STK24: variants seen among roughly 807,000 people sequenced by gnomAD.
STK24 encodes the protein serine/threonine kinase 24.
STK24 carries 21 observed loss-of-function variants against 55.6 expected under a neutral mutation model. The observed-to-expected ratio is 0.38, with a 90% CI of 0.27 to 0.54. STK24 has a LOEUF of 0.54. Ranked by LOEUF, STK24 falls within the 20% of genes least tolerant of loss-of-function variation. The pLI, the probability that STK24 is intolerant of heterozygous loss-of-function variation, is 0.79. For missense variants in STK24, 383 were observed against 538.4 expected, an observed-to-expected ratio of 0.71 and a Z score of 2.86; for synonymous variants, 200 against 215.2, an observed-to-expected ratio of 0.93 and a Z score of 0.62.
At chr13:98,512,766 G>A (rs139002254) in intron 2 of STK24, among the ~76,000 whole-genome samples, 57 of 152,222 alleles carry the variant, frequency 3.7e-4, no homozygotes, top group African/African-American at 1.3e-3. Flanking sequence ...GCCCCATTCC[G>A]GATGTAAATA....
intron 1 of STK24, among the ~76,000 whole-genome samples, chr13:98,534,264 C>T (rs1896654013): frequency 6.6e-6 from 1 of 152,182 alleles, no homozygotes; most frequent in Non-Finnish European, 1.5e-5. Flanking sequence ...TTTGAGATGA[C>T]AATGAAACTG....
At chr13:98,479,794 C>A (rs916488166) in intron 3 of STK24, among the ~76,000 whole-genome samples, 2 of 152,218 alleles carry the variant, frequency 1.3e-5, no homozygotes, top group Non-Finnish European at 2.9e-5. Context: ...CAGCTCCCAG[C>A]CTACCTCCAA....
chr13:98,475,393 A>G (rs1301463510), intron 3 of STK24, 35 bp from the exon 4 acceptor site: 1 of 1,439,024 alleles, frequency 6.9e-7, no homozygotes, highest in Non-Finnish European at 9.6e-7. Context: ...AGTTACTTAA[A>G]TGATTATCTT....
Position 98,448,424 on chromosome 13 carries a change from C to A in STK24, c.*4749G>T. 1.1e-6 allele frequency: 1 copy of A among 915,412 alleles called. No homozygotes were observed. Among genetic ancestry groups the A allele is most frequent in the Non-Finnish European group, 1.8e-6 (1 of 563,966 alleles). The allele number at this position is 915,412 out of a possible 1,614,324, so 56.7% of individuals were successfully genotyped here. On this transcript the variant is annotated 3_prime_UTR_variant, in exon 11 of 11. Transcript: ENST00000539966. ...TTAACACCTGTCTGAAAATCAAAAACATGGCTTCCCAGCAGCTCTCCTGTC... is the reference window on the plus strand; with the variant it reads ...TTAACACCTGTCTGAAAATCAAAAAAATGGCTTCCCAGCAGCTCTCCTGTC...
In STK24 at chr13:98,445,305, T is replaced by A. The variant is rs1892753825; in HGVS notation, c.*7868A>T. ...CCTTTACAAGGTGGTGCAACTGCTT[T>A]GAGTCTCTGCTGGTGATGTCACTTT... On this transcript the variant is annotated 3_prime_UTR_variant, in exon 11 of 11. Transcript: ENST00000539966. The A allele has an allele frequency of 2.0e-5, 3 of 152,284 alleles. No individual in the cohort carries two copies. 9.4% of individuals were successfully genotyped at this position (152,284 alleles called of 1,614,324 possible).
Position 98,482,339 on chromosome 13 carries a change from G to A in STK24, c.274-18C>T, listed in dbSNP as rs1894622849. 2.1e-6 allele frequency: 3 copies of A among 1,445,530 alleles called. No individual in the cohort carries two copies. The highest frequency in any genetic ancestry group is 2.8e-6 in the Non-Finnish European group (3 of 1,060,672). The allele number at this position is 1,445,530 out of a possible 1,614,324, so 89.5% of individuals were successfully genotyped here. On this transcript the variant is annotated intron_variant, in intron 2 of 10. Coordinates refer to ENST00000539966, the MANE Select transcript of STK24 (RefSeq NM_001032296.4). The stretch of plus-strand genomic sequence containing the variant: ...TTTGTATCCTATAAAACAAAAAAAA[G>A]AAGAGAATCATTTTCAAAATGAATC...
intron 1 of STK24, among the ~76,000 whole-genome samples, chr13:98,539,540 G>C (rs1253153876): frequency 6.7e-6 from 1 of 150,342 alleles, no homozygotes; most frequent in Non-Finnish European, 1.5e-5. Context: ...TTCTTCTCTC[G>C]ACTTGATCTC....
At chr13:98,519,939 AC>A (rs1215492816) in intron 1 of STK24, among the ~76,000 whole-genome samples, 7 of 152,190 alleles carry the variant, frequency 4.6e-5, no homozygotes, top group South Asian at 2.1e-4. Context: ...AGAAAAAAAA[AC>A]GTATACCGTA....
chr13:98,543,578 G>A (rs1263396386), intron 1 of STK24, among the ~76,000 whole-genome samples: 6 of 152,174 alleles, frequency 3.9e-5, no homozygotes, highest in South Asian at 2.1e-4. Flanking sequence ...ACCCGAAGAC[G>A]CGGGTCTGAT....
chr13:98,475,234 A>G lies in STK24; in HGVS notation c.439+16T>C. ...CCTTCAGTATTTCAAAGGAATGAAAACGGATGTCCTCTTACCTTTAATGTC... is the reference window on the plus strand; with the variant it reads ...CCTTCAGTATTTCAAAGGAATGAAAGCGGATGTCCTCTTACCTTTAATGTC... On this transcript the variant is annotated intron_variant, in intron 4 of 10. Transcript: ENST00000539966. The G allele has an allele frequency of 6.3e-7, 1 of 1,590,862 alleles. No homozygotes were observed. The highest frequency in any genetic ancestry group is 8.6e-7 in the Non-Finnish European group (1 of 1,165,034).
chr13:98,506,838 G>A (rs1210128630), intron 2 of STK24, among the ~76,000 whole-genome samples: 1 of 152,230 alleles, frequency 6.6e-6, no homozygotes, highest in Non-Finnish European at 1.5e-5. Flanking sequence ...TTCAATGCTA[G>A]GACAAATACA....
intron 1 of STK24, among the ~76,000 whole-genome samples, chr13:98,548,590 G>A (rs1242764840): frequency 2.6e-5 from 4 of 152,094 alleles, no homozygotes; most frequent in African/African-American, 7.2e-5. Flanking sequence ...GGCTGGGCAC[G>A]GTGGCTCACA....
chr13:98,526,433 T>G (rs1463344807), intron 1 of STK24, among the ~76,000 whole-genome samples: 13 of 152,274 alleles, frequency 8.5e-5, no homozygotes, highest in African/African-American at 3.1e-4. Flanking sequence ...AGGAAAGTAC[T>G]TCTGTCTACC....
intron 2 of STK24, among the ~76,000 whole-genome samples, chr13:98,489,376 C>T (rs1894932183): frequency 6.6e-6 from 1 of 152,218 alleles, no homozygotes; most frequent in Admixed American, 6.5e-5. Context: ...GTGCAGGAAC[C>T]ATTCCTGAGC....
In STK24 at chr13:98,524,606, T is replaced by G. The variant is rs74109157; in HGVS notation, c.43-5133A>C. On this transcript the variant is annotated intron_variant, in intron 1 of 10. Coordinates refer to ENST00000539966, the MANE Select transcript of STK24 (RefSeq NM_001032296.4). ...AAAACCACCCATTCACCCCAAGGAA[T>G]GGTGAGAAATGCTAAATCGTTATTG... Among the ~76,000 whole-genome samples the G allele has an allele frequency of 9.7e-3, 1,483 of 152,318 alleles. 21 individuals carry two copies. The highest frequency in any genetic ancestry group is 0.033 in the African/African-American group (1,378 of 41,558).
chr13:98,535,435 A>ACG (rs1005198111), intron 1 of STK24, among the ~76,000 whole-genome samples: 1 of 128,986 alleles, frequency 7.8e-6, no homozygotes, highest in Admixed American at 7.9e-5. Context: ...ACACACACAC[A>ACG]CGCAATGCAT....
intron 3 of STK24, 132 bp from the exon 4 acceptor site, chr13:98,475,490 A>G (rs1894332974): frequency 1.6e-6 from 1 of 627,302 alleles, no homozygotes; most frequent in Non-Finnish European, 2.7e-6. Context: ...CTTAAAACAC[A>G]TGATTTTGCC....
intron 2 of STK24, among the ~76,000 whole-genome samples, chr13:98,502,180 T>C (rs1471311672): frequency 6.6e-6 from 1 of 152,196 alleles, no homozygotes; most frequent in African/African-American, 2.4e-5. Flanking sequence ...GGGTGACATC[T>C]GCCTGGTTAT....
intron 2 of STK24, among the ~76,000 whole-genome samples, chr13:98,491,760 G>T (rs992402283): frequency 6.8e-6 from 1 of 147,628 alleles, no homozygotes; most frequent in Non-Finnish European, 1.5e-5. Context: ...ATAGAATAAA[G>T]ATACATGCAT....
Sources: gnomAD v4.1 joint callset for allele counts (sites outside exome capture counted in the v4.1 genomes callset) on GRCh38, gnomAD v4.1.1 for gene constraint, MANE v1.5 for transcripts, NCBI Gene and HGNC (gene_info 2026-07-23, HGNC 2026-07-21) for gene names.